DCTN5: variants seen among roughly 807,000 people sequenced by gnomAD.
DCTN5 encodes dynactin subunit 5.
DCTN5 carries 14 observed loss-of-function variants against 23.5 expected under a neutral mutation model. That is an observed-to-expected ratio of 0.60 (90% CI 0.39 to 0.93). DCTN5 has a LOEUF of 0.93. Ranked by LOEUF, DCTN5 falls within the 40% of genes least tolerant of loss-of-function variation. DCTN5 has a pLI of 0.00. For missense variants in DCTN5, 156 were observed against 225.9 expected, an observed-to-expected ratio of 0.69 and a Z score of 1.98; for synonymous variants, 67 against 79.6, an observed-to-expected ratio of 0.84 and a Z score of 0.84.
chr16:23,652,258 A>G lies in DCTN5; in HGVS notation c.118-6249A>G, dbSNP rs550897022. 1.5e-4 allele frequency among the ~76,000 whole-genome samples: 23 copies of G among 152,152 alleles called. No homozygotes were observed. In the South Asian group the frequency reaches 4.6e-3, roughly 30 times the overall value. The stretch of plus-strand genomic sequence containing the variant: ...CCTATATATCAGGAGTTCCCCACCT[A>G]CCTCCCTAGCCTGACCTTCTGTCCT... On this transcript the variant is annotated intron_variant, in intron 2 of 5. Coordinates refer to ENST00000300087, the MANE Select transcript of DCTN5 (RefSeq NM_032486.4).
Position 23,667,364 on chromosome 16 carries a change from T to C in DCTN5, c.*220T>C, listed in dbSNP as rs907623982. ...AGGAGCTGTCTTCAAATGCTGTGCT[T>C]ACACCTTATCTATGAACAGTCACTT... is the stretch of plus-strand genomic sequence containing the variant. On this transcript the variant is annotated 3_prime_UTR_variant, in exon 6 of 6. Coordinates refer to ENST00000300087, the MANE Select transcript of DCTN5 (RefSeq NM_032486.4). 5.2e-6 allele frequency: 3 copies of C among 578,976 alleles called. No homozygotes were observed. The highest frequency in any genetic ancestry group is 2.1e-5 in the South Asian group (1 of 47,638). 35.9% of individuals were successfully genotyped at this position (578,976 alleles called of 1,614,324 possible). A position where few individuals can be genotyped will look rare whatever the true frequency, so the allele number is the denominator to read the frequency against.
At chr16:23,650,816 A>G (rs1597116585) in intron 2 of DCTN5, 1 of 1,519,830 alleles carries the variant, frequency 6.6e-7, no homozygotes, top group Non-Finnish European at 8.8e-7. Flanking sequence ...CTGCAGGGAT[A>G]GAAAGAGATC....
At chr16:23,646,892 A>G (rs79222792) in intron 2 of DCTN5, among the ~76,000 whole-genome samples, 9,619 of 152,042 alleles carry the variant, frequency 0.063, 640 homozygotes, top group African/African-American at 0.16. Flanking sequence ...ATTTTTTTAT[A>G]TGGTTTGAGG....
Position 23,677,338 on chromosome 16 carries a change from C to G in DCTN5, c.*10194C>G, listed in dbSNP as rs575189089. The G allele has an allele frequency of 6.6e-6, 1 of 152,260 alleles. No individual in the cohort carries two copies. Among genetic ancestry groups the G allele is most frequent in the South Asian group, 2.1e-4 (1 of 4,822 alleles). 9.4% of individuals were successfully genotyped at this position (152,260 alleles called of 1,614,324 possible). A position where few individuals can be genotyped will look rare whatever the true frequency, so the allele number is the denominator to read the frequency against. ...TGTTTGTCATGTTCCCTTTCTCAATCTGGGTGTGGTTTACAGATTTGTTCA... is the reference window on the plus strand; with the variant it reads ...TGTTTGTCATGTTCCCTTTCTCAATGTGGGTGTGGTTTACAGATTTGTTCA... On this transcript the variant is annotated 3_prime_UTR_variant, in exon 6 of 6. Coordinates refer to ENST00000300087, the MANE Select transcript of DCTN5 (RefSeq NM_032486.4).
Position 23,642,952 on chromosome 16 carries a change from T to C in DCTN5, c.49-3T>C, listed in dbSNP as rs762184764. On this transcript the variant is annotated splice_region_variant and splice_polypyrimidine_tract_variant and intron_variant, in intron 1 of 5. Transcript: ENST00000300087. ...TCCCCGGTTTTCCGTTGTTTTCTTT[T>C]AGGCATCTGGGAACAAAGTCAGTCG... 6.2e-6 allele frequency: 10 copies of C among 1,613,952 alleles called. No individual in the cohort carries two copies. The South Asian group carries it at 6.6e-5, about 11-fold the overall frequency.
chr16:23,644,294 A>ATTTTTTTTTTTTTTTTTTTTTTTTTT (rs534821955), intron 2 of DCTN5, among the ~76,000 whole-genome samples: 1 of 97,352 alleles, frequency 1.0e-5, no homozygotes, highest in Non-Finnish European at 2.0e-5. Context: ...TGCCCACCTA[A>ATTTTTTTTTTTTTTTTTTTTTTTTTT]TTTTTTTTTT....
In DCTN5 at chr16:23,667,647, T is replaced by C. The variant is rs546623131; in HGVS notation, c.*503T>C. 8.9e-5 allele frequency: 14 copies of C among 156,644 alleles called. No individual in the cohort carries two copies. In the South Asian group the frequency reaches 2.7e-3, roughly 30 times the overall value. The allele number at this position is 156,644 out of a possible 1,614,324, so 9.7% of individuals were successfully genotyped here. ...TTGCTCATCATCTTGGGAAAGGTGTTTGTGACTTTTCAGAGCCCAGATTCC... is the reference window on the plus strand; with the variant it reads ...TTGCTCATCATCTTGGGAAAGGTGTCTGTGACTTTTCAGAGCCCAGATTCC... On this transcript the variant is annotated 3_prime_UTR_variant, in exon 6 of 6. Coordinates refer to ENST00000300087, the MANE Select transcript of DCTN5 (RefSeq NM_032486.4).
intron 2 of DCTN5, among the ~76,000 whole-genome samples, chr16:23,644,535 C>T (rs972409759): frequency 2.6e-5 from 4 of 151,894 alleles, no homozygotes; most frequent in Non-Finnish European, 5.9e-5. Context: ...CTCCTGACCT[C>T]GTGATCCACC....
intron 2 of DCTN5, among the ~76,000 whole-genome samples, chr16:23,653,461 C>A (rs888702916): frequency 2.0e-5 from 3 of 152,160 alleles, no homozygotes; most frequent in African/African-American, 4.8e-5. Context: ...AAAGGATTCT[C>A]TATTCAATAA....
Position 23,642,558 on chromosome 16 carries a change from T to C in DCTN5, c.49-397T>C, listed in dbSNP as rs146328986. On this transcript the variant is annotated intron_variant, in intron 1 of 5. Transcript: ENST00000300087. ...AGTGCAGTGGCACAATCACAGCTCA[T>C]TGCAGCCTCGGCCTTCCAGGCTCAA... The C allele has an allele frequency of 5.1e-4, 85 of 167,450 alleles. No homozygotes were observed. The East Asian group carries it at 0.012, about 24-fold the overall frequency. The allele number at this position is 167,450 out of a possible 1,614,324, so 10.4% of individuals were successfully genotyped here. A position where few individuals can be genotyped will look rare whatever the true frequency, so the allele number is the denominator to read the frequency against.
At chr16:23,651,238 G>A (rs1967599287) in intron 2 of DCTN5, 3 of 998,324 alleles carry the variant, frequency 3.0e-6, no homozygotes, top group African/African-American at 1.7e-5. Context: ...CTTTGCTTCT[G>A]TGAAGGGCAG....
rs2140995559 is a variant in DCTN5 at position 23,676,692 on chromosome 16, G to C, written c.*9548G>C. On this transcript the variant is annotated 3_prime_UTR_variant, in exon 6 of 6. Coordinates refer to ENST00000300087, the MANE Select transcript of DCTN5 (RefSeq NM_032486.4). ...AGAACTGAGGTCCATATTTGAGGTTGGTCTCACCCTTTTGCATGTGGTCCT... is the reference window on the plus strand; with the variant it reads ...AGAACTGAGGTCCATATTTGAGGTTCGTCTCACCCTTTTGCATGTGGTCCT... 1 of 152,318 alleles carries C rather than the reference G, an allele frequency of 6.6e-6. No homozygotes were observed. The highest frequency in any genetic ancestry group is 2.1e-4 in the South Asian group (1 of 4,830). The allele number at this position is 152,318 out of a possible 1,614,324, so 9.4% of individuals were successfully genotyped here.
In DCTN5 at chr16:23,645,126, TATA is replaced by T. The variant is rs1967420644; in HGVS notation, c.117+2104_117+2106del. On this transcript the variant is annotated intron_variant, in intron 2 of 5. Coordinates refer to ENST00000300087, the MANE Select transcript of DCTN5 (RefSeq NM_032486.4). ...ATATATATATATATATATATATATA[TATA>T]TATATATATTTTTTTTTTTTTTAAT... Among the ~76,000 whole-genome samples, 33 of 39,438 alleles carry T rather than the reference TATA, an allele frequency of 8.4e-4. 2 individuals carry two copies. Among genetic ancestry groups the T allele is most frequent in the East Asian group, 2.0e-3 (3 of 1,484 alleles). The allele number at this position is 39,438 out of a possible 152,430, so 25.9% of individuals were successfully genotyped here. A position where few individuals can be genotyped will look rare whatever the true frequency, so the allele number is the denominator to read the frequency against.
chr16:23,641,505 C>T lies in DCTN5; in HGVS notation c.-38C>T. 1 of 1,613,608 alleles carries T rather than the reference C, an allele frequency of 6.2e-7. No individual in the cohort carries two copies. The highest frequency in any genetic ancestry group is 1.1e-5 in the South Asian group (1 of 91,020). ...TCTCTGAAAGACTGACCGACTGACTCTGACAGGATCCGGGGCTGAGGGAAG... is the reference window on the plus strand; with the variant it reads ...TCTCTGAAAGACTGACCGACTGACTTTGACAGGATCCGGGGCTGAGGGAAG... On this transcript the variant is annotated 5_prime_UTR_variant, in exon 1 of 6. Transcript: ENST00000300087.
intron 2 of DCTN5, among the ~76,000 whole-genome samples, 168 bp from the exon 3 acceptor site, chr16:23,658,339 G>A (rs557426013): frequency 3.3e-4 from 51 of 152,326 alleles, no homozygotes; most frequent in Non-Finnish European, 6.2e-4. Flanking sequence ...ACTGTCATGA[G>A]GGCAGTTCTC....
At chr16:23,657,738 G>A (rs1422751395) in intron 2 of DCTN5, among the ~76,000 whole-genome samples, 1 of 152,026 alleles carries the variant, frequency 6.6e-6, no homozygotes, top group African/African-American at 2.4e-5. Flanking sequence ...TACCGCACCT[G>A]GCCAGAAAAA....
chr16:23,647,135 GTT>G (rs34433726), intron 2 of DCTN5, among the ~76,000 whole-genome samples: 2,163 of 128,842 alleles, frequency 0.017, 58 homozygotes, highest in African/African-American at 0.057. Context: ...AAGTTTTCTG[GTT>G]TTTTTTTTTT....
At chr16:23,647,186 G>A (rs866861288) in intron 2 of DCTN5, among the ~76,000 whole-genome samples, 3 of 148,548 alleles carry the variant, frequency 2.0e-5, no homozygotes, top group Non-Finnish European at 4.4e-5. Flanking sequence ...AGGCTGGAGT[G>A]CAGTGGCACG....
rs376871395 is a variant in DCTN5 at position 23,665,807 on chromosome 16, G to A, written c.451+79G>A. On this transcript the variant is annotated intron_variant, in intron 5 of 5. Transcript: ENST00000300087. ...TTTCCATCGCAAAAGTAATGCTTAC[G>A]ATTCCTATCTCTGGCAATATGTTGA... is the stretch of plus-strand genomic sequence containing the variant. 5.9e-5 allele frequency: 70 copies of A among 1,180,368 alleles called. No individual in the cohort carries two copies. In the South Asian group the frequency reaches 7.8e-4, roughly 13 times the overall value. The allele number at this position is 1,180,368 out of a possible 1,614,324, so 73.1% of individuals were successfully genotyped here.
Sources: gnomAD v4.1 joint callset for allele counts (sites outside exome capture counted in the v4.1 genomes callset) on GRCh38, gnomAD v4.1.1 for gene constraint, MANE v1.5 for transcripts, NCBI Gene and HGNC (gene_info 2026-07-23, HGNC 2026-07-21) for gene names.